The following LARS1 variants were observed in gnomAD, a reference collection of about 807,000 sequenced individuals.
The protein encoded by LARS1 is leucine--tRNA ligase, cytoplasmic.
In LARS1, 100 loss-of-function variants were observed where a neutral mutation model predicts 162.8. That is an observed-to-expected ratio of 0.61 (90% CI 0.52 to 0.73). LARS1 has a LOEUF of 0.73. LARS1 is among the 30% of genes least tolerant of loss of function. LARS1 has a pLI of 0.00. For synonymous variants in LARS1, 457 were observed against 462.8 expected (o/e 0.99, Z 0.16); for missense variants, 1,258 against 1,408.9 (o/e 0.89, Z 1.71).
At position 146,140,292 on chromosome 5, in the gene LARS1, T is replaced by A. The variant is rs755345630; in HGVS notation, c.2091-31A>T. 6.4e-7 allele frequency: 1 copy of A among 1,563,396 alleles called. No individual in the cohort carries two copies. Among genetic ancestry groups the A allele is most frequent in the Non-Finnish European group, 8.8e-7 (1 of 1,137,646 alleles). ...CAGATAAATGTTTAAAGATAGAAAA[T>A]AAAAAAACAAAGATGATAGTTCTGG... On this transcript the variant is annotated intron_variant, in intron 20 of 31. Transcript: ENST00000394434.
Position 146,123,937 on chromosome 5 carries a change from G to A in LARS1, c.3096+45C>T, listed in dbSNP as rs1003593701. ...TATAAAATAAAAGAGCTGGATTATG[G>A]TTTAACTACAGTTAACTGGTTATTA... On this transcript the variant is annotated intron_variant, in intron 29 of 31. Coordinates refer to ENST00000394434, the MANE Select transcript of LARS1 (RefSeq NM_020117.11). 6 of 986,628 alleles carry A rather than the reference G, an allele frequency of 6.1e-6. No homozygotes were observed. In the African/African-American group the frequency reaches 8.0e-5, roughly 13 times the overall value. 61.1% of individuals were successfully genotyped at this position (986,628 alleles called of 1,614,324 possible).
chr5:146,182,427 C>G, intron 1 of LARS1, 61 bp downstream of exon 1: 1 of 1,604,980 alleles, frequency 6.2e-7, no homozygotes, highest in Non-Finnish European at 8.5e-7. Context: ...ACATGGAGAG[C>G]CCCTAGAGAC....
chr5:146,174,898 A>C (rs1041354799), intron 2 of LARS1, among the ~76,000 whole-genome samples: 3 of 151,712 alleles, frequency 2.0e-5, no homozygotes, highest in Non-Finnish European at 4.4e-5. Flanking sequence ...AGCCTGGGCA[A>C]GACAGTGAAA....
At chr5:146,128,838 A>G in intron 26 of LARS1, 56 bp from the exon 27 acceptor site, 1 of 1,494,852 alleles carries the variant, frequency 6.7e-7, no homozygotes, top group Non-Finnish European at 9.2e-7. Flanking sequence ...ACCAAAAATG[A>G]GAAGAACCCT....
intron 29 of LARS1, 24 bp downstream of exon 29, chr5:146,123,958 T>C: frequency 7.9e-7 from 1 of 1,259,128 alleles, no homozygotes; most frequent in Non-Finnish European, 1.2e-6. Context: ...GTTAACTGGT[T>C]ATTACAATCC....
intron 4 of LARS1, among the ~76,000 whole-genome samples, chr5:146,171,573 C>T (rs923392936): frequency 9.2e-5 from 14 of 151,920 alleles, no homozygotes; most frequent in African/African-American, 1.9e-4. Context: ...TATTTTATGC[C>T]GGCATCTTAC....
At chr5:146,141,277 C>T (rs953161657) in intron 20 of LARS1, among the ~76,000 whole-genome samples, 2 of 152,076 alleles carry the variant, frequency 1.3e-5, no homozygotes, top group Admixed American at 1.3e-4. Context: ...GTACACTTCC[C>T]TGCCTACAGA....
At position 146,182,570 on chromosome 5, in the gene LARS1, T is replaced by A; in HGVS notation, c.-77A>T. On this transcript the variant is annotated 5_prime_UTR_variant, in exon 1 of 32. Transcript: ENST00000394434. Reference sequence around the variant, plus strand: ...CACAAAGGAGTGGTTACCTTTCCCCTCCCTCTCGGGGATGCCAGGCCTCCC... The same window carrying A: ...CACAAAGGAGTGGTTACCTTTCCCCACCCTCTCGGGGATGCCAGGCCTCCC... The A allele has an allele frequency of 6.3e-7, 1 of 1,590,548 alleles. No homozygotes were observed.
chr5:146,127,101 C>T (rs1752081432), intron 27 of LARS1, among the ~76,000 whole-genome samples: 2 of 151,970 alleles, frequency 1.3e-5, no homozygotes, highest in Non-Finnish European at 2.9e-5. Flanking sequence ...CAAATATTAA[C>T]GGTCCCCTCA....
At chr5:146,167,996 T>C (rs575821396) in intron 5 of LARS1, 132 bp downstream of exon 5, 1 of 761,538 alleles carries the variant, frequency 1.3e-6, no homozygotes, top group Admixed American at 3.4e-5. Flanking sequence ...AAAGATAATT[T>C]TTTGCTTTGA....
intron 8 of LARS1, among the ~76,000 whole-genome samples, chr5:146,159,049 T>C (rs1380390446): frequency 6.7e-6 from 1 of 150,098 alleles, no homozygotes; most frequent in African/African-American, 2.5e-5. Flanking sequence ...TGAGCCGAGA[T>C]AGCACCACTG....
chr5:146,145,739 T>C (rs1752980186), intron 15 of LARS1, among the ~76,000 whole-genome samples: 1 of 152,204 alleles, frequency 6.6e-6, no homozygotes, highest in Non-Finnish European at 1.5e-5. Context: ...TTCTTCATGC[T>C]GAAATTAAAT....
intron 30 of LARS1, among the ~76,000 whole-genome samples, chr5:146,121,268 T>A (rs1389173549): frequency 6.6e-6 from 1 of 152,096 alleles, no homozygotes; most frequent in East Asian, 1.9e-4. Flanking sequence ...TGCTGGGTTT[T>A]CAAATGTGGC....
intron 6 of LARS1, among the ~76,000 whole-genome samples, chr5:146,162,872 A>C (rs975645069): frequency 6.6e-6 from 1 of 152,210 alleles, no homozygotes. Flanking sequence ...CTGGGTTGCA[A>C]TGGCGCAGCC....
Position 146,121,654 on chromosome 5 carries a change from T to A in LARS1, c.3192+838A>T, listed in dbSNP as rs143300929. On this transcript the variant is annotated intron_variant, in intron 30 of 31. Coordinates refer to ENST00000394434, the MANE Select transcript of LARS1 (RefSeq NM_020117.11). ...TGGAATACTATGCAGCCATAAAAAA[T>A]GATGAGTTTATGTCCTTTGTAGGGA... is the stretch of plus-strand genomic sequence containing the variant. Among the ~76,000 whole-genome samples the A allele has an allele frequency of 1.6e-4, 24 of 152,178 alleles. 1 individual carries two copies. Among genetic ancestry groups the A allele is most frequent in the East Asian group, 1.5e-3 (8 of 5,178 alleles).
At chr5:146,149,853 G>A (rs1753195404) in intron 14 of LARS1, among the ~76,000 whole-genome samples, 154 bp from the exon 15 acceptor site, 1 of 151,958 alleles carries the variant, frequency 6.6e-6, no homozygotes, top group African/African-American at 2.4e-5. Flanking sequence ...TTTTCATTTT[G>A]GTATAGCATG....
intron 13 of LARS1, 47 bp from the exon 14 acceptor site, chr5:146,152,049 C>T (rs753084021): frequency 1.2e-6 from 2 of 1,608,208 alleles, no homozygotes; most frequent in Non-Finnish European, 8.5e-7. Context: ...ACTGGACACA[C>T]AGCTCTGTAG....
At chr5:146,132,816 A>T in intron 23 of LARS1, 82 bp downstream of exon 23, 6 of 580,828 alleles carry the variant, frequency 1.0e-5, no homozygotes, top group South Asian at 2.5e-5. Flanking sequence ...AAAAAAAAAA[A>T]GAAAAGAAAA....
intron 15 of LARS1, among the ~76,000 whole-genome samples, chr5:146,148,945 C>T (rs1371997157): frequency 1.3e-5 from 2 of 152,098 alleles, no homozygotes; most frequent in Non-Finnish European, 2.9e-5. Flanking sequence ...CATGGTGGCT[C>T]ATGCCTGTTA....
Sources: gnomAD v4.1 joint callset for allele counts (sites outside exome capture counted in the v4.1 genomes callset) on GRCh38, gnomAD v4.1.1 for gene constraint, MANE v1.5 for transcripts, NCBI Gene and HGNC (gene_info 2026-07-23, HGNC 2026-07-21) for gene names.